Variants in TECPR1 observed in about 807,000 individuals in gnomAD.
TECPR1 encodes the protein tectonin beta-propeller repeat-containing protein 1.
In TECPR1, 122 loss-of-function variants were observed where a neutral mutation model predicts 162.4. That is an observed-to-expected ratio of 0.75 (90% CI 0.65 to 0.87). The LOEUF (loss-of-function observed/expected upper bound fraction) is 0.87. TECPR1 is among the 40% of genes least tolerant of loss of function. The probability of loss-of-function intolerance (pLI) is 0.00; values close to 1 mark genes in which losing one functional copy is unlikely to be tolerated. For missense variants in TECPR1, 1,432 were observed against 1,618.2 expected, an observed-to-expected ratio of 0.88 and a Z score of 1.97; for synonymous variants, 642 against 670.6, an observed-to-expected ratio of 0.96 and a Z score of 0.66.
chr7:98,225,103 C>A lies in TECPR1; in HGVS notation c.2514-1G>T. ...CATGTACCGGTCCGTGGGCAGACCC[C>A]TGCGGCAGGACAACAGGGCAGGTGA... On this transcript the variant is annotated splice_acceptor_variant, in intron 17 of 25. Coordinates refer to ENST00000447648, the MANE Select transcript of TECPR1 (RefSeq NM_015395.3). LOFTEE classifies it high-confidence loss of function. 1 of 1,565,696 alleles carries A rather than the reference C, an allele frequency of 6.4e-7. No individual in the cohort carries two copies. Among genetic ancestry groups the A allele is most frequent in the East Asian group, 2.4e-5 (1 of 41,938 alleles).
In TECPR1 at chr7:98,232,965, G is replaced by A. The variant is rs988966005; in HGVS notation, c.1680C>T (p.Ser560=). The A allele has an allele frequency of 8.7e-6, 14 of 1,609,630 alleles. No homozygotes were observed. In the Middle Eastern group the frequency reaches 1.8e-3, roughly 210 times the overall value. Residue 560 remains serine (S), a synonymous_variant, in exon 12 of 26, where the codon TCC becomes TCT. Transcript: ENST00000447648. This position sits in a 1 kb window ranked among gnomAD's most constrained non-coding sequence, Gnocchi z 4.6. ...PRWFTVQAGL[S]SSVHMLSLSI... ...ACAGGGACAGCATGTGTACCGAGGA[G>A]GACAGGCCTGTGGGGCAGAGAGAGC...
At chr7:98,245,278 C>A (rs1212331673) in intron 3 of TECPR1, among the ~76,000 whole-genome samples, 1 of 152,224 alleles carries the variant, frequency 6.6e-6, no homozygotes, top group African/African-American at 2.4e-5. Context: ...ATCAGCACAG[C>A]CCCAAAGGGC....
rs754794260 is a variant in TECPR1, at chr7:98,232,997, G to A, written c.1673-25C>T. ...CCTGTGGGGCAGAGAGAGCCTCAGG[G>A]CCGGGGCACTGTCCTGCCCGCAGCT... On this transcript the variant is annotated intron_variant, in intron 11 of 25. Coordinates refer to ENST00000447648, the MANE Select transcript of TECPR1 (RefSeq NM_015395.3). This position sits in a 1 kb window ranked among gnomAD's most constrained non-coding sequence, Gnocchi z 4.6. 6 of 1,591,834 alleles carry A rather than the reference G, an allele frequency of 3.8e-6. No individual in the cohort carries two copies. In the African/African-American group the frequency reaches 6.7e-5, roughly 18 times the overall value.
At chr7:98,250,795 C>T (rs537859416) in intron 2 of TECPR1, 1 of 152,030 alleles carries the variant, frequency 6.6e-6, no homozygotes, top group Non-Finnish European at 1.5e-5. Context: ...CACTAATTTC[C>T]TCATAGACAT....
Position 98,220,163 on chromosome 7 carries a change from G to A in TECPR1, c.3157+1498C>T, listed in dbSNP as rs576269751. 3.3e-5 allele frequency among the ~76,000 whole-genome samples: 5 copies of A among 151,822 alleles called. No individual in the cohort carries two copies. The South Asian group carries it at 6.2e-4, about 19-fold the overall frequency. ...TCGAGACCAGCCTGCCCAACATGGCGAAACCCCATCTCTACTAAAAATACA... is the reference window on the plus strand; with the variant it reads ...TCGAGACCAGCCTGCCCAACATGGCAAAACCCCATCTCTACTAAAAATACA... On this transcript the variant is annotated intron_variant, in intron 23 of 25. Transcript: ENST00000447648.
intron 23 of TECPR1, among the ~76,000 whole-genome samples, chr7:98,220,045 G>A (rs1306400142): frequency 1.6e-5 from 2 of 123,948 alleles, no homozygotes; most frequent in Non-Finnish European, 4.0e-5. Context: ...TTATTATAAA[G>A]TCAAAAAACA....
At position 98,233,867 on chromosome 7, in the gene TECPR1, G is replaced by C. The variant is rs1798524011; in HGVS notation, c.1226C>G (p.Ser409Cys). ...GGAGGCATCGGTGTCGCTGGGGGCA[G>C]ACTCGCCACTACCCCTCACCTCATC... ...FGDEVRGSGE[S>C]APSDTDASSE... Residue 409 changes from serine (S) to cysteine (C), a missense_variant, in exon 11 of 26, where the codon TCT becomes TGT. Ser to Cys is a moderately radical substitution (Grantham distance 112). Transcript: ENST00000447648. The C allele has an allele frequency of 1.3e-6, 2 of 1,556,832 alleles. No homozygotes were observed. The highest frequency in any genetic ancestry group is 1.9e-5 in the Admixed American group (1 of 51,576).
chr7:98,251,805 G>A (rs1799069183), intron 1 of TECPR1: 1 of 152,264 alleles, frequency 6.6e-6, no homozygotes, highest in African/African-American at 2.4e-5. Context: ...GAGAGGGATA[G>A]GCAGGCCCCT....
intron 3 of TECPR1, 120 bp from the exon 4 acceptor site, chr7:98,245,187 G>T: frequency 8.8e-7 from 1 of 1,131,572 alleles, no homozygotes; most frequent in Non-Finnish European, 1.3e-6. Context: ...TTGATCTCCA[G>T]AATAGGAAGT....
At position 98,241,218 on chromosome 7, in the gene TECPR1, G is replaced by A. The variant is rs1463375930; in HGVS notation, c.684C>T (p.His228=). 1.2e-6 allele frequency: 2 copies of A among 1,612,600 alleles called. No homozygotes were observed. The highest frequency in any genetic ancestry group is 2.7e-5 in the African/African-American group (2 of 74,926). Residue 228 remains histidine (H), a synonymous_variant, in exon 7 of 26, where the codon CAC becomes CAT. Coordinates refer to ENST00000447648, the MANE Select transcript of TECPR1 (RefSeq NM_015395.3). This position sits in a 1 kb window ranked among gnomAD's most constrained non-coding sequence, Gnocchi z 5.0. The part of the protein sequence containing the change: ...GKVWYREDVS[H]SNPEGSSWSL... ...ACCAGGAGGACCCTTCGGGGTTGGA[G>A]TGGCTGACGTCCTCTCTGTACCACA...
At position 98,233,777 on chromosome 7, in the gene TECPR1, T is replaced by C. The variant is rs1210492072; in HGVS notation, c.1316A>G (p.Asn439Ser). ...GCCTGAGGCTGAGTTCCCTGTGGCA[T>C]TCTTGGAATCGTCTAGAGGTTCTGC... ...LPAEPLDDSK[N>S]ATGNSASGLG... The change falls in exon 11 of 26, where the codon AAT becomes AGT. Residue 439 changes from asparagine to serine, a missense_variant. Physicochemically the swap from Asn to Ser is conservative, Grantham distance 46. Coordinates refer to ENST00000447648, the MANE Select transcript of TECPR1 (RefSeq NM_015395.3). 6.2e-7 allele frequency: 1 copy of C among 1,612,348 alleles called. No individual in the cohort carries two copies. Among genetic ancestry groups the C allele is most frequent in the Admixed American group, 1.7e-5 (1 of 59,918 alleles).
rs141657388 is a variant in TECPR1, at chr7:98,218,128, C to T, written c.3158-86G>A. On this transcript the variant is annotated intron_variant, in intron 23 of 25. Coordinates refer to ENST00000447648, the MANE Select transcript of TECPR1 (RefSeq NM_015395.3). The stretch of plus-strand genomic sequence containing the variant: ...GGCCCGGCAGCCGGTGGCCAGGCCC[C>T]GCTCTAACCACTTCGGGGTTTGGGA... 3,458 of 1,105,250 alleles carry T rather than the reference C, an allele frequency of 3.1e-3. 12 individuals carry two copies. Among genetic ancestry groups the T allele is most frequent in the Middle Eastern group, 6.0e-3 (20 of 3,354 alleles). The allele number at this position is 1,105,250 out of a possible 1,614,324, so 68.5% of individuals were successfully genotyped here.
chr7:98,220,685 A>G (rs1798119452), intron 23 of TECPR1, among the ~76,000 whole-genome samples: 1 of 151,670 alleles, frequency 6.6e-6, no homozygotes, highest in Non-Finnish European at 1.5e-5. Flanking sequence ...CAGCCTCCCG[A>G]TTAGCTTGGA....
Position 98,230,972 on chromosome 7 carries a change from G to A in TECPR1, c.2271C>T (p.Pro757=), listed in dbSNP as rs372289305. ...TGCGGCTCACTCACATCTGGTCGCA[G>A]GGCAGGGGGTGCTCGTGGGCCTCCA... The part of the protein sequence containing the change: ...PDLEAHEHPL[P]CDQMFWRQMG... The change falls in exon 15 of 26, where the codon CCC becomes CCT. Residue 757 remains proline, a synonymous_variant. Transcript: ENST00000447648. 126 of 1,611,794 alleles carry A rather than the reference G, an allele frequency of 7.8e-5. No individual in the cohort carries two copies. The highest frequency in any genetic ancestry group is 1.0e-4 in the Non-Finnish European group (123 of 1,179,290).
intron 16 of TECPR1, among the ~76,000 whole-genome samples, 175 bp from the exon 17 acceptor site, chr7:98,228,291 G>A (rs1470241561): frequency 6.6e-6 from 1 of 152,082 alleles, no homozygotes; most frequent in Non-Finnish European, 1.5e-5. Context: ...CCTGGCTTGG[G>A]TTTTCTCCTC....
Position 98,223,174 on chromosome 7 carries a change from T to C in TECPR1, c.2748-4A>G. 1 of 1,592,494 alleles carries C rather than the reference T, an allele frequency of 6.3e-7. No homozygotes were observed. The highest frequency in any genetic ancestry group is 8.5e-7 in the Non-Finnish European group (1 of 1,170,084). On this transcript the variant is annotated splice_polypyrimidine_tract_variant and splice_region_variant and intron_variant, in intron 20 of 25. Transcript: ENST00000447648. The stretch of plus-strand genomic sequence containing the variant: ...ACTGGTCACCAGCTTGCATTTTCTG[T>C]ACAGTGGAGAGGGGACACAGCCCAG...
rs770214191 is a variant in TECPR1 at position 98,233,522 on chromosome 7, T to C, written c.1571A>G (p.Glu524Gly). The C allele has an allele frequency of 1.3e-5, 21 of 1,569,996 alleles. No homozygotes were observed. In the East Asian group the frequency reaches 3.6e-4, roughly 27 times the overall value. Reference sequence around the variant, plus strand: ...CGGGTGGTCATCCACCCCATACGGCTCCTCCAAGCCCAGTGGGAGGAGCCC... The same window carrying C: ...CGGGTGGTCATCCACCCCATACGGCCCCTCCAAGCCCAGTGGGAGGAGCCC... The part of the protein sequence containing the change: ...SLGLLPLGLE[E>G]PYGVDDHPLW... The change falls in exon 11 of 26, where the codon GAG (glutamate) becomes GGG (glycine). Residue 524 changes from glutamate to glycine, a missense_variant. Transcript: ENST00000447648.
rs1344135440 is a variant in TECPR1 at position 98,241,745 on chromosome 7, G to T, written c.658-501C>A. On this transcript the variant is annotated intron_variant, in intron 6 of 25. Coordinates refer to ENST00000447648, the MANE Select transcript of TECPR1 (RefSeq NM_015395.3). The surrounding 1 kb of genome is among the most constrained non-coding windows in gnomAD (Gnocchi z 5.0). ...ACATGTCACTTCGTGATCCAGAAAG[G>T]GCAAGGGACCCTCCCCATAGGGCTG... Among the ~76,000 whole-genome samples the T allele has an allele frequency of 6.6e-6, 1 of 152,164 alleles. No homozygotes were observed. Among genetic ancestry groups the T allele is most frequent in the Non-Finnish European group, 1.5e-5 (1 of 68,018 alleles).
intron 10 of TECPR1, 108 bp from the exon 11 acceptor site, chr7:98,234,019 C>T: frequency 2.2e-6 from 3 of 1,361,544 alleles, no homozygotes; most frequent in Non-Finnish European, 2.9e-6. Flanking sequence ...GAAACTTGGG[C>T]AAGTCAGAAC....
Sources: gnomAD v4.1 joint callset for allele counts (sites outside exome capture counted in the v4.1 genomes callset) on GRCh38, gnomAD v4.1.1 for gene constraint, Gnocchi (gnomAD v3.1) non-coding constraint, MANE v1.5 for transcripts, NCBI Gene and HGNC (gene_info 2026-07-23, HGNC 2026-07-21) for gene names.